The following APOL3 variants were observed in gnomAD, a reference collection of about 807,000 sequenced individuals.
APOL3 encodes TNF-inducible protein CG12-1.
APOL3 carries 14 observed loss-of-function variants against 11.6 expected under a neutral mutation model. The ratio of observed to expected loss-of-function variants is 1.21; its 90% CI spans 0.80 to 1.89. The LOEUF (loss-of-function observed/expected upper bound fraction) is 1.89, where lower values mean the gene tolerates loss of function less well. Ranked by LOEUF, APOL3 falls within the 40% of genes most tolerant of loss-of-function variation. The pLI is 0.00. For missense variants in APOL3, 483 were observed against 492.1 expected (o/e 0.98, Z 0.17); for synonymous variants, 192 against 190.6 (o/e 1.01, Z -0.06).
chr22:36,156,969 G>A lies in APOL3; in HGVS notation c.223+3700C>T, dbSNP rs777528499. The A allele has an allele frequency of 4.0e-4, 183 of 456,108 alleles. 3 individuals carry two copies. Among genetic ancestry groups the A allele is most frequent in the South Asian group, 2.5e-4 (16 of 64,572 alleles). The allele number at this position is 456,108 out of a possible 1,614,324, so 28.3% of individuals were successfully genotyped here. On this transcript the variant is annotated intron_variant, in intron 1 of 2. Transcript: ENST00000349314. ...AGCTTCAGTTTCACTTTCAGTTGAG[G>A]GATTGAATGTTTTTCCTTGCTATCT...
intron 2 of APOL3, among the ~76,000 whole-genome samples, chr22:36,143,597 T>C (rs1401551752): frequency 6.6e-6 from 1 of 152,196 alleles, no homozygotes; most frequent in Admixed American, 6.5e-5. Flanking sequence ...CACATGCCCT[T>C]TGATCTTCTG....
At chr22:36,150,713 GCACA>G (rs138854776) in intron 1 of APOL3, among the ~76,000 whole-genome samples, 4 of 150,178 alleles carry the variant, frequency 2.7e-5, no homozygotes, top group Admixed American at 2.0e-4. Flanking sequence ...TACTAAAAAT[GCACA>G]CACACACACA....
chr22:36,153,977 T>C (rs2012284494), intron 1 of APOL3, among the ~76,000 whole-genome samples: 1 of 152,240 alleles, frequency 6.6e-6, no homozygotes, highest in Admixed American at 6.5e-5. Flanking sequence ...TGGTTGAGTT[T>C]GTCTAAAGAC....
At chr22:36,165,006 A>G (rs2146916921), upstream of APOL3, 1 of 152,282 alleles carries the variant, frequency 6.6e-6, no homozygotes, top group South Asian at 2.1e-4. Flanking sequence ...ACATTTTTGT[A>G]TAGAAACAAG....
intron 2 of APOL3, among the ~76,000 whole-genome samples, chr22:36,142,322 G>A (rs985635661): frequency 6.6e-6 from 1 of 152,158 alleles, no homozygotes; most frequent in South Asian, 2.1e-4. Context: ...GTAGGTATTC[G>A]ATAAAGATGG....
rs539946321 is a variant in APOL3, at chr22:36,148,352, G to A, written c.224-2753C>T. On this transcript the variant is annotated intron_variant, in intron 1 of 2. Transcript: ENST00000349314. ...CTGGAATCAACAGTGGCAGGTAAAG[G>A]GGATGGGAACCAACTCTTAGGGAGG... is the stretch of plus-strand genomic sequence containing the variant. 7.9e-5 allele frequency among the ~76,000 whole-genome samples: 12 copies of A among 152,362 alleles called. 1 individual carries two copies. The South Asian group carries it at 2.3e-3, about 29-fold the overall frequency.
At chr22:36,164,012 T>A (rs748595178), upstream of APOL3, among the ~76,000 whole-genome samples, 2 of 152,264 alleles carry the variant, frequency 1.3e-5, no homozygotes, top group East Asian at 3.8e-4. Flanking sequence ...TCCTCCTGAA[T>A]GGGTGAAATA....
intron 2 of APOL3, among the ~76,000 whole-genome samples, 194 bp from the exon 4 acceptor site, chr22:36,142,252 AC>A (rs2060025196): frequency 2.0e-5 from 3 of 152,228 alleles, no homozygotes; most frequent in Admixed American, 2.0e-4. Flanking sequence ...TAGATATGCC[AC>A]AGTACTTATT....
chr22:36,163,689 A>G (rs1256619431), upstream of APOL3, among the ~76,000 whole-genome samples: 4 of 152,242 alleles, frequency 2.6e-5, no homozygotes, highest in African/African-American at 4.8e-5. Context: ...GCCTCCATCT[A>G]AAGAGCAGGG....
At chr22:36,162,098 A>G (rs764290800), upstream of APOL3, among the ~76,000 whole-genome samples, 19 of 152,190 alleles carry the variant, frequency 1.2e-4, no homozygotes, top group Non-Finnish European at 1.6e-4. Flanking sequence ...TGAAATGCTG[A>G]GTTGGTCACA....
At chr22:36,165,260 A>G (rs993007980), upstream of APOL3, 2 of 140,872 alleles carry the variant, frequency 1.4e-5, no homozygotes, top group Admixed American at 1.3e-4. Context: ...TCAACAAATT[A>G]TTAATCTAAC....
chr22:36,141,957 C>G, exon 3 of APOL3: 2 of 1,614,232 alleles, frequency 1.2e-6, no homozygotes, highest in Non-Finnish European at 1.7e-6. Context: ...TTTCAAAAAC[C>G]ATTCCCTAAA....
chr22:36,152,349 A>G (rs2011893333), intron 1 of APOL3, among the ~76,000 whole-genome samples: 1 of 152,260 alleles, frequency 6.6e-6, no homozygotes, highest in Non-Finnish European at 1.5e-5. Flanking sequence ...ACAGTAAGCA[A>G]GATTTAAAGC....
intron 1 of APOL3, chr22:36,149,481 A>G: frequency 9.8e-7 from 1 of 1,019,850 alleles, no homozygotes; most frequent in Non-Finnish European, 1.4e-6. Context: ...CGTTCTGACA[A>G]TGACCTGGGC....
At chr22:36,143,456 T>C (rs551215198) in intron 2 of APOL3, among the ~76,000 whole-genome samples, 1 of 152,362 alleles carries the variant, frequency 6.6e-6, no homozygotes, top group East Asian at 1.9e-4. Flanking sequence ...CACCTTCAAA[T>C]CTGCAACTGG....
exon 2 of APOL3, chr22:36,145,590 C>T (rs753889786): frequency 1.9e-5 from 30 of 1,613,306 alleles, no homozygotes; most frequent in Admixed American, 3.3e-5. Flanking sequence ...TTCAGTAAAG[C>T]GTTTCTTTTC....
At chr22:36,144,370 A>C (rs1374863935) in intron 2 of APOL3, among the ~76,000 whole-genome samples, 1 of 151,922 alleles carries the variant, frequency 6.6e-6, no homozygotes, top group Admixed American at 6.6e-5. Context: ...GCATCATGCT[A>C]CTTGGTTCCC....
upstream of APOL3, among the ~76,000 whole-genome samples, chr22:36,161,789 A>G (rs1443551746): frequency 2.0e-5 from 3 of 152,198 alleles, no homozygotes; most frequent in Admixed American, 2.0e-4. Flanking sequence ...CCTTGCTTCT[A>G]GTGAACAAGG....
At chr22:36,142,116 C>A in intron 2 of APOL3, 58 bp from the exon 4 acceptor site, 1 of 1,521,192 alleles carries the variant, frequency 6.6e-7, no homozygotes, top group Non-Finnish European at 8.8e-7. Flanking sequence ...GTAAAATCAG[C>A]TCAATAAGAT....
Sources: allele counts gnomAD v4.1 joint callset (sites outside exome capture counted in the v4.1 genomes callset), GRCh38; gene constraint gnomAD v4.1.1; transcripts MANE v1.5; gene names NCBI Gene and HGNC (gene_info 2026-07-23, HGNC 2026-07-21).